Variants in CNNM2 observed in about 807,000 individuals in gnomAD.
CNNM2 encodes the protein metal transporter CNNM2.
Under a neutral mutation model 66.9 loss-of-function variants are expected in CNNM2, and 12 were observed. The ratio of observed to expected loss-of-function variants is 0.18; its 90% CI spans 0.11 to 0.29. The LOEUF is 0.29. CNNM2 is among the 10% of genes least tolerant of loss of function. CNNM2 has a pLI of 1.00. For synonymous variants in CNNM2, 557 were observed against 501.8 expected (o/e 1.11, Z -1.47); for missense variants, 705 against 1,167.7 (o/e 0.60, Z 5.77).
At chr10:102,972,590 C>G (rs939362592) in intron 1 of CNNM2, among the ~76,000 whole-genome samples, 2 of 152,144 alleles carry the variant, frequency 1.3e-5, no homozygotes, top group Admixed American at 6.6e-5. Flanking sequence ...GAGCTGAGAT[C>G]GCGCCTCTGC....
chr10:103,008,846 C>G (rs910633892), intron 1 of CNNM2, among the ~76,000 whole-genome samples: 1 of 149,670 alleles, frequency 6.7e-6, no homozygotes, highest in African/African-American at 2.5e-5. Flanking sequence ...CTGAAATGCA[C>G]ATTCCCAAGC....
At chr10:102,952,943 T>G (rs1203893606) in intron 1 of CNNM2, among the ~76,000 whole-genome samples, 1 of 152,186 alleles carries the variant, frequency 6.6e-6, no homozygotes, top group Non-Finnish European at 1.5e-5. Context: ...CATTGTGAAG[T>G]CAGTTGGTAT....
rs1217385266 is a variant in CNNM2 at position 103,083,819 on chromosome 10, T to C, written c.*6639T>C. On this transcript the variant is annotated 3_prime_UTR_variant, in exon 8 of 8. Transcript: ENST00000369878. ...CAAAGGTCTCATTCAGGCCTCTCAA[T>C]TGGCTCTTGAAAACAAGGATGGCTT... The C allele has an allele frequency of 2.6e-5, 4 of 152,174 alleles. No homozygotes were observed. The highest frequency in any genetic ancestry group is 2.6e-4 in the Admixed American group (4 of 15,282). The allele number at this position is 152,174 out of a possible 1,614,324, so 9.4% of individuals were successfully genotyped here.
intron 1 of CNNM2, among the ~76,000 whole-genome samples, chr10:103,005,122 C>T (rs919076014): frequency 6.6e-6 from 1 of 151,514 alleles, no homozygotes; most frequent in Non-Finnish European, 1.5e-5. Context: ...TCCCTGTTGG[C>T]CAGGCTGGTC....
rs2065833278 is a variant in CNNM2 at position 103,087,234 on chromosome 10, CAT to C, written c.*10056_*10057del. The C allele has an allele frequency of 8.0e-6, 1 of 125,114 alleles. No homozygotes were observed. Among genetic ancestry groups the C allele is most frequent in the African/African-American group, 3.1e-5 (1 of 32,204 alleles). 7.8% of individuals were successfully genotyped at this position (125,114 alleles called of 1,614,324 possible). ...AACTACTGGCAACAGAGAGAAAACT[CAT>C]AATTTGTTTTAAAAAGCCCAGTTAC... On this transcript the variant is annotated 3_prime_UTR_variant, in exon 8 of 8. Transcript: ENST00000369878.
intron 1 of CNNM2, among the ~76,000 whole-genome samples, chr10:103,001,161 G>A (rs983591152): frequency 6.6e-6 from 1 of 152,124 alleles, no homozygotes; most frequent in Non-Finnish European, 1.5e-5. Flanking sequence ...AAAGTATTAG[G>A]GTGGTTGTCA....
chr10:103,001,261 G>A (rs1298969104), intron 1 of CNNM2, among the ~76,000 whole-genome samples: 3 of 152,104 alleles, frequency 2.0e-5, no homozygotes, highest in African/African-American at 7.2e-5. Flanking sequence ...GTTGGTGATG[G>A]TTGTACAACA....
At chr10:103,004,767 A>G (rs761906455) in intron 1 of CNNM2, among the ~76,000 whole-genome samples, 1 of 152,158 alleles carries the variant, frequency 6.6e-6, no homozygotes, top group South Asian at 2.1e-4. Flanking sequence ...GTTTCGCTCA[A>G]ACTTTTACAT....
intron 1 of CNNM2, among the ~76,000 whole-genome samples, chr10:102,923,542 A>G (rs568333121): frequency 2.0e-5 from 3 of 152,108 alleles, no homozygotes; most frequent in South Asian, 4.2e-4. Flanking sequence ...TGACATTTCT[A>G]TTTTACTGAG....
At chr10:103,039,288 C>T (rs1235330744) in intron 1 of CNNM2, among the ~76,000 whole-genome samples, 1 of 152,116 alleles carries the variant, frequency 6.6e-6, no homozygotes, top group Non-Finnish European at 1.5e-5. Context: ...AGGAGTGCAC[C>T]ACCATGCCTG....
At chr10:102,985,521 C>T (rs998126843) in intron 1 of CNNM2, among the ~76,000 whole-genome samples, 1 of 152,106 alleles carries the variant, frequency 6.6e-6, no homozygotes, top group African/African-American at 2.4e-5. Flanking sequence ...TCTAAACTAA[C>T]CAGCAGACCC....
chr10:103,018,142 A>G (rs1335534412), intron 1 of CNNM2, among the ~76,000 whole-genome samples: 1 of 152,038 alleles, frequency 6.6e-6, no homozygotes, highest in African/African-American at 2.4e-5. Context: ...TACTGTGGAG[A>G]GCAAGGGTGA....
rs1287240860 is a variant in CNNM2, at chr10:103,080,996, G to T, written c.*3816G>T. ...TCCTCGCCTTGCCTAGGCCCAGGAA[G>T]GTGAGGTCTCCTGGGCAACCAGAGT... On this transcript the variant is annotated 3_prime_UTR_variant, in exon 8 of 8. Coordinates refer to ENST00000369878, the MANE Select transcript of CNNM2 (RefSeq NM_017649.5). The T allele has an allele frequency of 2.6e-5, 4 of 152,208 alleles. No homozygotes were observed. The highest frequency in any genetic ancestry group is 4.8e-5 in the African/African-American group (2 of 41,446). 9.4% of individuals were successfully genotyped at this position (152,208 alleles called of 1,614,324 possible).
chr10:102,993,627 A>G (rs917986289), intron 1 of CNNM2, among the ~76,000 whole-genome samples: 10 of 152,210 alleles, frequency 6.6e-5, no homozygotes, highest in Admixed American at 5.9e-4. Flanking sequence ...TCTCTCTCCC[A>G]AGAAGAGCTT....
At chr10:102,972,676 A>T (rs1243002455) in intron 1 of CNNM2, among the ~76,000 whole-genome samples, 6 of 152,180 alleles carry the variant, frequency 3.9e-5, no homozygotes, top group African/African-American at 1.4e-4. Context: ...AACCCTAGTT[A>T]AAAAATCACA....
At chr10:102,937,718 G>A (rs1020207372) in intron 1 of CNNM2, among the ~76,000 whole-genome samples, 4 of 152,012 alleles carry the variant, frequency 2.6e-5, no homozygotes, top group Non-Finnish European at 5.9e-5. Context: ...CTCCTAAAAC[G>A]TACATATTCT....
intron 1 of CNNM2, among the ~76,000 whole-genome samples, chr10:103,038,663 C>T (rs547999690): frequency 7.9e-5 from 12 of 152,234 alleles, no homozygotes; most frequent in South Asian, 4.2e-4. Context: ...CACTGGCAGA[C>T]GCATTAGTTC....
chr10:102,980,517 G>A (rs1430234418), intron 1 of CNNM2, among the ~76,000 whole-genome samples: 4 of 151,978 alleles, frequency 2.6e-5, no homozygotes, highest in South Asian at 2.1e-4. Context: ...TGATCTGCCC[G>A]CCTTGGGCTC....
intron 1 of CNNM2, among the ~76,000 whole-genome samples, chr10:103,028,148 C>T (rs1435265508): frequency 6.6e-6 from 1 of 152,158 alleles, no homozygotes; most frequent in African/African-American, 2.4e-5. Context: ...TTCCATAAGG[C>T]ATTTGTAGTG....
Sources: allele counts gnomAD v4.1 joint callset (sites outside exome capture counted in the v4.1 genomes callset), GRCh38; gene constraint gnomAD v4.1.1; transcripts MANE v1.5; gene names NCBI Gene and HGNC (gene_info 2026-07-23, HGNC 2026-07-21).